AGMO: variants seen among roughly 807,000 people sequenced by gnomAD.
AGMO encodes the protein glyceryl-ether monooxygenase.
AGMO carries 75 observed loss-of-function variants against 60.2 expected under a neutral mutation model. The ratio of observed to expected loss-of-function variants is 1.25; its 90% confidence interval spans 1.03 to 1.51. The LOEUF (loss-of-function observed/expected upper bound fraction) is 1.51, where lower values mean the gene tolerates loss of function less well. Among genes scored for constraint, AGMO ranks in the 40% most tolerant of loss-of-function variants. The probability of loss-of-function intolerance (pLI) is 0.00; values close to 1 mark genes in which losing one functional copy is unlikely to be tolerated. For missense variants in AGMO, 763 were observed against 525.5 expected, an observed-to-expected ratio of 1.45 and a Z score of -4.42; for synonymous variants, 261 against 177.1, an observed-to-expected ratio of 1.47 and a Z score of -3.76.
intron 3 of AGMO, among the ~76,000 whole-genome samples, chr7:15,539,180 G>A (rs1784555429): frequency 6.6e-6 from 1 of 152,022 alleles, no homozygotes. Context: ...GGGCACATGT[G>A]CAGATTTGTT....
intron 12 of AGMO, among the ~76,000 whole-genome samples, chr7:15,351,533 C>T (rs545827980): frequency 3.8e-4 from 58 of 152,178 alleles, no homozygotes; most frequent in Admixed American, 1.8e-3. Context: ...AAAAAGCAGA[C>T]ATCTAGGAAG....
the AGMO span, among the ~76,000 whole-genome samples, chr7:15,193,136 T>G: frequency 6.6e-6 from 1 of 152,156 alleles, no homozygotes; most frequent in Non-Finnish European, 1.5e-5. Flanking sequence ...TCAAAAGTGT[T>G]GACACTTGCA....
At chr7:15,414,806 C>A (rs1306833830) in intron 5 of AGMO, among the ~76,000 whole-genome samples, 1 of 152,092 alleles carries the variant, frequency 6.6e-6, no homozygotes, top group Non-Finnish European at 1.5e-5. Flanking sequence ...ACAAATACAT[C>A]AATGAAAGTG....
At chr7:15,202,712 T>G (rs1781330806) in intron 12 of AGMO, among the ~76,000 whole-genome samples, 1 of 152,140 alleles carries the variant, frequency 6.6e-6, no homozygotes, top group Non-Finnish European at 1.5e-5. Context: ...ATTAACGTCT[T>G]GGAGTTGCCT....
intron 12 of AGMO, among the ~76,000 whole-genome samples, chr7:15,332,217 T>C (rs1287292937): frequency 6.6e-6 from 1 of 152,162 alleles, no homozygotes; most frequent in Non-Finnish European, 1.5e-5. Context: ...GTAAGTATTG[T>C]GGTGTTGACT....
At chr7:15,481,847 T>C (rs147503558) in intron 3 of AGMO, among the ~76,000 whole-genome samples, 177 of 139,982 alleles carry the variant, frequency 1.3e-3, no homozygotes, top group African/African-American at 4.7e-3. Flanking sequence ...AAGATGGAAA[T>C]AGCAGTGTAT....
At chr7:15,443,409 A>G (rs1240496612) in intron 3 of AGMO, among the ~76,000 whole-genome samples, 1 of 152,154 alleles carries the variant, frequency 6.6e-6, no homozygotes, top group Non-Finnish European at 1.5e-5. Context: ...CATGCCCTGT[A>G]AGGGGCCAAG....
intron 3 of AGMO, among the ~76,000 whole-genome samples, chr7:15,474,739 C>G (rs892074134): frequency 5.3e-5 from 8 of 152,132 alleles, no homozygotes; most frequent in African/African-American, 1.9e-4. Flanking sequence ...GCAAAAGAAA[C>G]TGTCATCAGA....
chr7:15,361,200 C>A (rs901731750), intron 12 of AGMO, among the ~76,000 whole-genome samples: 3 of 151,680 alleles, frequency 2.0e-5, no homozygotes, highest in Non-Finnish European at 4.4e-5. Context: ...TGTGACAACT[C>A]TAGGGTCATG....
intron 3 of AGMO, among the ~76,000 whole-genome samples, chr7:15,443,383 C>T (rs1423271163): frequency 6.6e-6 from 1 of 152,188 alleles, no homozygotes; most frequent in Non-Finnish European, 1.5e-5. Context: ...ACCAAAGAAG[C>T]AAGCCACGCC....
intron 12 of AGMO, chr7:15,358,478 G>C (rs868864802): frequency 4.3e-6 from 2 of 467,450 alleles, no homozygotes; most frequent in African/African-American, 2.0e-5. Flanking sequence ...ATTAATGTTG[G>C]TACTCCGTGA....
intron 3 of AGMO, among the ~76,000 whole-genome samples, chr7:15,531,040 ATATATATTCTATATATATTC>A (rs1784309369): frequency 6.3e-4 from 5 of 7,906 alleles, no homozygotes; most frequent in Admixed American, 6.1e-3. Context: ...TATATATTCT[ATATATATTCTATATATATTC>A]TGTATATATT....
At chr7:15,133,807 C>A in the AGMO span, among the ~76,000 whole-genome samples, 1 of 152,156 alleles carries the variant, frequency 6.6e-6, no homozygotes, top group Non-Finnish European at 1.5e-5. Flanking sequence ...AGCAGTGACA[C>A]AAGTCAGCTG....
chr7:15,265,814 G>C (rs545150741), intron 12 of AGMO, among the ~76,000 whole-genome samples: 2 of 152,144 alleles, frequency 1.3e-5, no homozygotes, highest in South Asian at 2.1e-4. Context: ...GCCATGTCTT[G>C]AAAAGATAAC....
At chr7:15,330,909 T>C (rs1781481001) in intron 12 of AGMO, among the ~76,000 whole-genome samples, 1 of 152,078 alleles carries the variant, frequency 6.6e-6, no homozygotes, top group Non-Finnish European at 1.5e-5. Context: ...TGTAAGCCCC[T>C]CCCACAGTGA....
chr7:15,419,636 C>T (rs1780871839), intron 4 of AGMO, among the ~76,000 whole-genome samples: 1 of 151,564 alleles, frequency 6.6e-6, no homozygotes, highest in Admixed American at 6.6e-5. Context: ...TGTTTTGAAA[C>T]TTGTCATAAA....
chr7:15,547,979 A>G (rs1784835767), intron 2 of AGMO, among the ~76,000 whole-genome samples: 1 of 146,898 alleles, frequency 6.8e-6, no homozygotes, highest in African/African-American at 2.4e-5. Flanking sequence ...GAGAACAGGC[A>G]GACTGCCTCC....
chr7:15,298,882 C>T (rs1036334997), intron 12 of AGMO, among the ~76,000 whole-genome samples: 6 of 151,970 alleles, frequency 3.9e-5, no homozygotes, highest in Non-Finnish European at 7.4e-5. Flanking sequence ...TATTGTCCAC[C>T]CCTCTAATTC....
chr7:15,126,777 A>G, the AGMO span, among the ~76,000 whole-genome samples: 1 of 152,110 alleles, frequency 6.6e-6, no homozygotes, highest in Non-Finnish European at 1.5e-5. Flanking sequence ...TCCACATTCT[A>G]TAGAGAATCC....
Sources: allele counts gnomAD v4.1 joint callset (sites outside exome capture counted in the v4.1 genomes callset), GRCh38; gene constraint gnomAD v4.1.1; transcripts MANE v1.5; gene names NCBI Gene and HGNC (gene_info 2026-07-23, HGNC 2026-07-21).